Variants in NEK11 observed in about 807,000 individuals in gnomAD.
The protein encoded by NEK11 is NIMA related kinase 11.
A neutral mutation model predicts 80.7 loss-of-function variants in NEK11; 72 were observed. The observed-to-expected ratio is 0.89, with a 90% CI of 0.74 to 1.08. NEK11 has a LOEUF of 1.08. Ranked by LOEUF, NEK11 falls within the 50% of genes least tolerant of loss-of-function variation. The pLI, the probability that NEK11 is intolerant of heterozygous loss-of-function variation, is 0.00. For missense variants in NEK11, 764 were observed against 763.6 expected (o/e 1.00, Z -0.01); for synonymous variants, 251 against 260.7 (o/e 0.96, Z 0.36).
At chr3:131,189,850 G>A (rs935736646) in intron 14 of NEK11, among the ~76,000 whole-genome samples, 20 of 152,102 alleles carry the variant, frequency 1.3e-4, no homozygotes, top group Admixed American at 1.2e-3. Context: ...GAATTTAAAA[G>A]CACTTAGAGA....
intron 15 of NEK11, among the ~76,000 whole-genome samples, chr3:131,239,446 T>A (rs1580714209): frequency 1.3e-5 from 2 of 152,182 alleles, no homozygotes; most frequent in East Asian, 3.9e-4. Context: ...GTGTCAAGCC[T>A]GGCAGCACAG....
At chr3:131,211,587 C>T (rs1035475047) in intron 14 of NEK11, among the ~76,000 whole-genome samples, 5 of 152,176 alleles carry the variant, frequency 3.3e-5, no homozygotes, top group African/African-American at 7.2e-5. Context: ...CCATTCTCCC[C>T]GTCACTTTCA....
In NEK11 at chr3:131,147,546, T is replaced by C. The variant is rs1338368366; in HGVS notation, c.648-4842T>C. Among the ~76,000 whole-genome samples the C allele has an allele frequency of 2.0e-5, 3 of 152,122 alleles. No homozygotes were observed. In the East Asian group the frequency reaches 5.8e-4, roughly 29 times the overall value. On this transcript the variant is annotated intron_variant, in intron 7 of 17. Transcript: ENST00000383366. ...CAAAACTTCCAAATTAGTTCTTGTTTAATTGCCGTGGCTATTCAGGTTCCT... is the reference window on the plus strand; with the variant it reads ...CAAAACTTCCAAATTAGTTCTTGTTCAATTGCCGTGGCTATTCAGGTTCCT...
At chr3:131,267,021 T>C (rs144011643) in intron 16 of NEK11, among the ~76,000 whole-genome samples, 18 of 152,346 alleles carry the variant, frequency 1.2e-4, no homozygotes, top group African/African-American at 4.3e-4. Context: ...ACCTGCTTTT[T>C]TTTGCTTTCC....
intron 15 of NEK11, among the ~76,000 whole-genome samples, chr3:131,238,756 A>C (rs2095475363): frequency 6.6e-6 from 1 of 152,132 alleles, no homozygotes; most frequent in South Asian, 2.1e-4. Flanking sequence ...GAAACTGCAT[A>C]GTGAGCAAAA....
chr3:131,204,225 T>A (rs548079177), intron 14 of NEK11, among the ~76,000 whole-genome samples: 29 of 152,116 alleles, frequency 1.9e-4, no homozygotes, highest in African/African-American at 7.0e-4. Flanking sequence ...AGGAAGGGCA[T>A]GGATGCTCCA....
chr3:131,176,545 T>C (rs2093026873), intron 14 of NEK11, among the ~76,000 whole-genome samples: 2 of 152,196 alleles, frequency 1.3e-5, no homozygotes, highest in South Asian at 2.1e-4. Context: ...ATGAATCTAA[T>C]ACTGAATGAA....
At chr3:131,330,982 A>C (rs1467963669) in intron 17 of NEK11, 1 of 151,300 alleles carries the variant, frequency 6.6e-6, no homozygotes, top group African/African-American at 2.4e-5. Context: ...ATAACTAACC[A>C]CTCCCATAAT....
At chr3:131,222,717 C>G (rs1229718500) in intron 14 of NEK11, among the ~76,000 whole-genome samples, 3 of 152,186 alleles carry the variant, frequency 2.0e-5, no homozygotes, top group Non-Finnish European at 1.5e-5. Context: ...GAGAGGGCAG[C>G]CTCCAAACCA....
At chr3:131,331,725 A>ACAGACGGCACCTG (rs1277011272) in intron 17 of NEK11, among the ~76,000 whole-genome samples, 1 of 152,234 alleles carries the variant, frequency 6.6e-6, no homozygotes, top group Non-Finnish European at 1.5e-5. Flanking sequence ...GAAAGGGGTG[A>ACAGACGGCACCTG]CAGACGGCAC....
intron 10 of NEK11, among the ~76,000 whole-genome samples, chr3:131,159,451 G>A (rs1027803335): frequency 6.6e-6 from 1 of 152,192 alleles, no homozygotes; most frequent in Non-Finnish European, 1.5e-5. Context: ...TAACTGACCT[G>A]ATTGAGCTGA....
intron 16 of NEK11, 44 bp from the exon 17 acceptor site, chr3:131,273,434 A>G: frequency 6.7e-7 from 1 of 1,484,228 alleles, no homozygotes; most frequent in Non-Finnish European, 9.4e-7. Context: ...TTGAAGTTGC[A>G]GGATTGCTGA....
At chr3:131,276,816 T>C (rs1235881030) in intron 17 of NEK11, among the ~76,000 whole-genome samples, 2 of 152,186 alleles carry the variant, frequency 1.3e-5, no homozygotes, top group Non-Finnish European at 2.9e-5. Flanking sequence ...TACAAATCCA[T>C]ATTCAGATTT....
At chr3:131,185,699 T>C (rs1026890046) in intron 14 of NEK11, among the ~76,000 whole-genome samples, 1 of 152,210 alleles carries the variant, frequency 6.6e-6, no homozygotes, top group Non-Finnish European at 1.5e-5. Flanking sequence ...ATGCTTGAGA[T>C]GGTAAAAGAG....
chr3:131,232,318 T>A (rs2095345727), intron 15 of NEK11, among the ~76,000 whole-genome samples: 1 of 152,356 alleles, frequency 6.6e-6, no homozygotes, highest in African/African-American at 2.4e-5. Flanking sequence ...GGCTACAGGC[T>A]GACGAGTGTT....
chr3:131,294,420 G>T (rs1171181460), intron 17 of NEK11, among the ~76,000 whole-genome samples: 2 of 151,682 alleles, frequency 1.3e-5, no homozygotes, highest in Non-Finnish European at 2.9e-5. Flanking sequence ...TGTGGTCTGA[G>T]TGCAGACATT....
intron 3 of NEK11, among the ~76,000 whole-genome samples, chr3:131,070,469 C>G (rs940078456): frequency 1.3e-5 from 2 of 152,142 alleles, no homozygotes; most frequent in South Asian, 4.1e-4. Context: ...TGTATGATGT[C>G]TTTTCCCAAA....
At chr3:131,164,467 G>A (rs777180747) in intron 11 of NEK11, among the ~76,000 whole-genome samples, 1 of 152,096 alleles carries the variant, frequency 6.6e-6, no homozygotes, top group East Asian at 1.9e-4. Flanking sequence ...AAATCTGTTC[G>A]TAATACCTCA....
rs78937334 is a variant in NEK11 at position 131,107,868 on chromosome 3, A to G, written c.337-1935A>G. The stretch of plus-strand genomic sequence containing the variant: ...GCTACACAGGATGTTATAATGATCT[A>G]TTGTCAGAAATGTTCTTTGCAACTT... On this transcript the variant is annotated intron_variant, in intron 4 of 17. Transcript: ENST00000383366. 2.1e-3 allele frequency among the ~76,000 whole-genome samples: 314 copies of G among 152,250 alleles called. 1 individual carries two copies. Among genetic ancestry groups the G allele is most frequent in the Non-Finnish European group, 3.9e-3 (268 of 67,974 alleles).
Sources: gnomAD v4.1 joint callset for allele counts (sites outside exome capture counted in the v4.1 genomes callset) on GRCh38, gnomAD v4.1.1 for gene constraint, MANE v1.5 for transcripts, NCBI Gene and HGNC (gene_info 2026-07-23, HGNC 2026-07-21) for gene names.